Variants in NMNAT2 observed in about 807,000 individuals in gnomAD.
The protein encoded by NMNAT2 is nicotinamide/nicotinic acid mononucleotide adenylyltransferase 2.
A neutral mutation model predicts 41.6 loss-of-function variants in NMNAT2; 11 were observed. The ratio of observed to expected loss-of-function variants is 0.26; its 90% CI spans 0.17 to 0.44. The LOEUF (loss-of-function observed/expected upper bound fraction) is 0.44. Among genes scored for constraint, NMNAT2 ranks in the 20% least tolerant of loss-of-function variants. The pLI, the probability that NMNAT2 is intolerant of heterozygous loss-of-function variation, is 1.00. For synonymous variants in NMNAT2, 148 were observed against 151.2 expected, an observed-to-expected ratio of 0.98 and a Z score of 0.16; for missense variants, 288 against 407.7, an observed-to-expected ratio of 0.71 and a Z score of 2.53.
intron 7 of NMNAT2, among the ~76,000 whole-genome samples, chr1:183,281,868 G>A (rs538426479): frequency 8.5e-5 from 13 of 152,334 alleles, no homozygotes; most frequent in South Asian, 2.1e-4. Context: ...GAGCCCCAGC[G>A]CCTCACACAG....
At chr1:183,372,620 C>A (rs1056728078) in intron 1 of NMNAT2, among the ~76,000 whole-genome samples, 2 of 152,236 alleles carry the variant, frequency 1.3e-5, no homozygotes, top group African/African-American at 4.8e-5. Context: ...TTGCTTGGTT[C>A]CTTGACCTCT....
chr1:183,369,155 G>A (rs1445020434), intron 1 of NMNAT2, among the ~76,000 whole-genome samples: 2 of 151,992 alleles, frequency 1.3e-5, no homozygotes, highest in Non-Finnish European at 2.9e-5. Flanking sequence ...CATTTATGGA[G>A]CATTTAACAT....
chr1:183,366,840 A>G (rs1350921981), intron 1 of NMNAT2, among the ~76,000 whole-genome samples: 1 of 152,064 alleles, frequency 6.6e-6, no homozygotes, highest in Non-Finnish European at 1.5e-5. Flanking sequence ...TTTGCATGCT[A>G]TTACTCAAAA....
chr1:183,417,475 C>T (rs754003971), intron 1 of NMNAT2, among the ~76,000 whole-genome samples: 25 of 152,140 alleles, frequency 1.6e-4, no homozygotes, highest in Non-Finnish European at 3.2e-4. Flanking sequence ...GGCTCCGGCT[C>T]GCGCAGGGCC....
chr1:183,368,109 C>T (rs1359038017), intron 1 of NMNAT2, among the ~76,000 whole-genome samples: 1 of 152,102 alleles, frequency 6.6e-6, no homozygotes, highest in Non-Finnish European at 1.5e-5. Flanking sequence ...ATTTACTAAA[C>T]AAATTTAGGA....
intron 1 of NMNAT2, among the ~76,000 whole-genome samples, chr1:183,330,663 G>A (rs1474269248): frequency 2.0e-5 from 3 of 152,184 alleles, no homozygotes; most frequent in East Asian, 1.9e-4. Context: ...GGGTCAACCC[G>A]CTACAAATGT....
rs1259615697 is a variant in NMNAT2 at position 183,250,903 on chromosome 1, C to CTT, written c.*1737_*1738insAA. On this transcript the variant is annotated 3_prime_UTR_variant, in exon 11 of 11. Transcript: ENST00000287713. ...GAACATTGTCTTTGCTTTCAGGTCC[C>CTT]ACCTGGCCCTTTCTGGCCGTAGCTG... 2 of 152,598 alleles carry CTT rather than the reference C, an allele frequency of 1.3e-5. No individual in the cohort carries two copies. Among genetic ancestry groups the CTT allele is most frequent in the Non-Finnish European group, 2.9e-5 (2 of 68,038 alleles). The allele number at this position is 152,598 out of a possible 1,614,324, so 9.5% of individuals were successfully genotyped here.
At chr1:183,318,492 CAG>C (rs1439612000) in intron 1 of NMNAT2, among the ~76,000 whole-genome samples, 1 of 152,114 alleles carries the variant, frequency 6.6e-6, no homozygotes, top group African/African-American at 2.4e-5. Context: ...TTTCCAAAAC[CAG>C]AGAGAGATTC....
chr1:183,300,483 C>A (rs986548224), intron 1 of NMNAT2, among the ~76,000 whole-genome samples: 3 of 151,610 alleles, frequency 2.0e-5, no homozygotes, highest in African/African-American at 7.3e-5. Context: ...ACCACATCTG[C>A]CTGAGCCTTT....
intron 8 of NMNAT2, among the ~76,000 whole-genome samples, chr1:183,274,510 A>G (rs781356852): frequency 4.6e-5 from 7 of 151,714 alleles, no homozygotes; most frequent in Non-Finnish European, 8.8e-5. Context: ...ATGGGGTTTC[A>G]CCATGTTGCC....
At chr1:183,364,351 T>C (rs936688946) in intron 1 of NMNAT2, among the ~76,000 whole-genome samples, 1 of 152,216 alleles carries the variant, frequency 6.6e-6, no homozygotes, top group Non-Finnish European at 1.5e-5. Context: ...CTTGCAGGAA[T>C]GGCAGATACT....
intron 1 of NMNAT2, among the ~76,000 whole-genome samples, chr1:183,374,064 T>G (rs552398428): frequency 2.0e-5 from 3 of 152,192 alleles, no homozygotes; most frequent in Non-Finnish European, 2.9e-5. Context: ...AACTCAGGTG[T>G]TGTTGTCCTC....
intron 7 of NMNAT2, among the ~76,000 whole-genome samples, chr1:183,280,174 C>A (rs1290296484): frequency 1.3e-5 from 2 of 152,160 alleles, no homozygotes; most frequent in Non-Finnish European, 1.5e-5. Flanking sequence ...CTGACAGGAG[C>A]CAGACTAGGC....
chr1:183,282,017 A>C (rs1661283970), intron 7 of NMNAT2, among the ~76,000 whole-genome samples: 1 of 152,194 alleles, frequency 6.6e-6, no homozygotes, highest in Non-Finnish European at 1.5e-5. Flanking sequence ...GGGCTATGTG[A>C]AGCCCGGGCC....
At chr1:183,347,380 C>CAG (rs1050712604) in intron 1 of NMNAT2, among the ~76,000 whole-genome samples, 3 of 152,046 alleles carry the variant, frequency 2.0e-5, no homozygotes, top group African/African-American at 7.2e-5. Context: ...CACTTGAGCC[C>CAG]AGGAGGTCGT....
chr1:183,380,001 A>G (rs1481497294), intron 1 of NMNAT2, among the ~76,000 whole-genome samples: 6 of 152,242 alleles, frequency 3.9e-5, no homozygotes, highest in Admixed American at 3.9e-4. Flanking sequence ...ATGTTCTGCC[A>G]GCAACTTTAA....
chr1:183,294,167 A>AAAAAT (rs1661619031), intron 1 of NMNAT2, among the ~76,000 whole-genome samples: 2 of 152,076 alleles, frequency 1.3e-5, no homozygotes, highest in Non-Finnish European at 2.9e-5. Context: ...TAGTATTTAA[A>AAAAAT]AAATAAATAA....
Position 183,292,841 on chromosome 1 carries a change from C to T in NMNAT2, c.191G>A (p.Arg64Gln), listed in dbSNP as rs762590558. 1.5e-5 allele frequency: 25 copies of T among 1,614,028 alleles called. No homozygotes were observed. The highest frequency in any genetic ancestry group is 1.7e-4 in the Middle Eastern group (1 of 6,060). ...CAGCTGACACATGATGAGACGGTGC[C>T]GGCTTGACACGAGGCCCTGGGAAGC... ...SYGKQGLVSSRHRLIMCQLAV... is the reference protein window; with the variant it reads ...SYGKQGLVSSQHRLIMCQLAV... The change falls in exon 3 of 11, where the codon CGG becomes CAG. Residue 64 changes from arginine to glutamine, a missense_variant. Around this residue, in one of 3 missense-constraint regions of NMNAT2, gnomAD observed 100 missense variants for 168.5 expected, o/e 0.59. Coordinates refer to ENST00000287713, the MANE Select transcript of NMNAT2 (RefSeq NM_015039.4).
chr1:183,378,638 T>C (rs547561186), intron 1 of NMNAT2, among the ~76,000 whole-genome samples: 1 of 152,010 alleles, frequency 6.6e-6, no homozygotes, highest in Admixed American at 6.6e-5. Flanking sequence ...AAAAAGAAAA[T>C]GGAAGCAAAG....
Sources: gnomAD v4.1 joint callset for allele counts (sites outside exome capture counted in the v4.1 genomes callset) on GRCh38, gnomAD v4.1.1 for gene constraint, gnomAD v4.1.1 regional missense constraint, MANE v1.5 for transcripts, NCBI Gene and HGNC (gene_info 2026-07-23, HGNC 2026-07-21) for gene names.